Variants in RIMS2 observed in about 807,000 individuals in gnomAD.
RIMS2 encodes the protein regulating synaptic membrane exocytosis 2.
Under a neutral mutation model 174.4 loss-of-function variants are expected in RIMS2, and 59 were observed. The ratio of observed to expected loss-of-function variants is 0.34; its 90% confidence interval spans 0.27 to 0.42. The LOEUF (loss-of-function observed/expected upper bound fraction) is 0.42, where lower values mean the gene tolerates loss of function less well. Ranked by LOEUF, RIMS2 falls within the 10% of genes least tolerant of loss-of-function variation. The pLI, the probability that RIMS2 is intolerant of heterozygous loss-of-function variation, is 1.00. For synonymous variants in RIMS2, 606 were observed against 572.5 expected (o/e 1.06, Z -0.84); for missense variants, 1,620 against 1,666.3 (o/e 0.97, Z 0.48).
chr8:103,952,430 G>T (rs950843173), intron 14 of RIMS2, among the ~76,000 whole-genome samples: 1 of 152,134 alleles, frequency 6.6e-6, no homozygotes, highest in Admixed American at 6.5e-5. Flanking sequence ...ATCAATCTTC[G>T]CTGATCTGCA....
At chr8:103,905,351 C>A (rs553087016) in intron 4 of RIMS2, among the ~76,000 whole-genome samples, 2 of 152,046 alleles carry the variant, frequency 1.3e-5, no homozygotes, top group Non-Finnish European at 2.9e-5. Context: ...GAGATAATTT[C>A]ATCATATTTA....
At position 104,131,835 on chromosome 8, in the gene RIMS2, A is replaced by G. The variant is rs539790777; in HGVS notation, c.3335-113081A>G. On this transcript the variant is annotated intron_variant, in intron 19 of 23. Coordinates refer to ENST00000504942, the Ensembl canonical transcript of RIMS2. Reference sequence around the variant, plus strand: ...GGTTTATTGGGGAATATTTCTGGCAAATACCTTTATGTAAACTGGATTGAT... The same window carrying G: ...GGTTTATTGGGGAATATTTCTGGCAGATACCTTTATGTAAACTGGATTGAT... Among the ~76,000 whole-genome samples, 11 of 152,314 alleles carry G rather than the reference A, an allele frequency of 7.2e-5. No individual in the cohort carries two copies. The South Asian group carries it at 2.3e-3, about 32-fold the overall frequency.
chr8:104,013,445 T>C, exon 18 of RIMS2: 2 of 1,613,384 alleles, frequency 1.2e-6, no homozygotes, highest in Admixed American at 1.7e-5. Flanking sequence ...GTTTCAGGGA[T>C]TGTGAAGCAG....
At chr8:103,765,527 G>T (rs1241037804) in intron 2 of RIMS2, among the ~76,000 whole-genome samples, 1 of 151,964 alleles carries the variant, frequency 6.6e-6, no homozygotes, top group Non-Finnish European at 1.5e-5. Flanking sequence ...TGTGTCTTTT[G>T]CCACAGTAAA....
intron 1 of RIMS2, 29 bp downstream of exon 1, chr8:103,501,091 C>G: frequency 1.3e-6 from 2 of 1,532,214 alleles, no homozygotes; most frequent in South Asian, 1.2e-5. Flanking sequence ...ATTCCCGCCT[C>G]TCTCCCTGCC....
chr8:104,012,497 C>T (rs1487585844), intron 17 of RIMS2, among the ~76,000 whole-genome samples: 1 of 151,840 alleles, frequency 6.6e-6, no homozygotes, highest in Non-Finnish European at 1.5e-5. Context: ...TAAGCATTTC[C>T]ATTTTTGTGC....
intron 3 of RIMS2, among the ~76,000 whole-genome samples, chr8:103,814,459 T>A (rs1471864060): frequency 6.6e-6 from 1 of 152,048 alleles, no homozygotes; most frequent in Non-Finnish European, 1.5e-5. Context: ...AATTTACACT[T>A]CAAAAATTTT....
rs560980142 is a variant in RIMS2 at position 103,793,621 on chromosome 8, G to C, written c.698+27084G>C. On this transcript the variant is annotated intron_variant, in intron 3 of 23. Coordinates refer to ENST00000504942, the Ensembl canonical transcript of RIMS2. Reference sequence around the variant, plus strand: ...GAAAGAAATAAAGGGTATTCAATTAGGAAAATAGGAAGTCAAATTGTCCCT... The same window carrying C: ...GAAAGAAATAAAGGGTATTCAATTACGAAAATAGGAAGTCAAATTGTCCCT... 4.6e-5 allele frequency among the ~76,000 whole-genome samples: 7 copies of C among 152,252 alleles called. No homozygotes were observed. In the South Asian group the frequency reaches 8.3e-4, roughly 18 times the overall value.
At chr8:103,726,840 G>A (rs2097532784) in intron 2 of RIMS2, among the ~76,000 whole-genome samples, 1 of 150,592 alleles carries the variant, frequency 6.6e-6, no homozygotes, top group East Asian at 1.9e-4. Flanking sequence ...CCCAGTTCAA[G>A]CAATTCTCCT....
chr8:103,886,123 C>A, exon 4 of RIMS2: 1 of 1,612,932 alleles, frequency 6.2e-7, no homozygotes, highest in Non-Finnish European at 8.5e-7. Context: ...GTAAAATGCG[C>A]CAGATTTCGT....
At chr8:103,762,108 C>T (rs1192435481) in intron 2 of RIMS2, among the ~76,000 whole-genome samples, 3 of 149,964 alleles carry the variant, frequency 2.0e-5, no homozygotes, top group East Asian at 3.9e-4. Flanking sequence ...TTGTATTTTC[C>T]TTAGTTTTTT....
chr8:103,826,093 T>A (rs2098788918), intron 3 of RIMS2, among the ~76,000 whole-genome samples: 2 of 152,198 alleles, frequency 1.3e-5, no homozygotes, highest in South Asian at 4.1e-4. Flanking sequence ...CAATATTTTT[T>A]AAATTAGGTT....
intron 1 of RIMS2, among the ~76,000 whole-genome samples, chr8:103,675,708 AT>A (rs199946202): frequency 1.3e-5 from 2 of 151,822 alleles, no homozygotes; most frequent in African/African-American, 2.4e-5. Context: ...AGCCATTCTT[AT>A]TTTTTTTACC....
chr8:103,696,723 C>A (rs541149006), intron 1 of RIMS2, among the ~76,000 whole-genome samples: 1 of 151,510 alleles, frequency 6.6e-6, no homozygotes, highest in Non-Finnish European at 1.5e-5. Context: ...AATTAGCTGG[C>A]GTGGTGGTGT....
At chr8:103,653,379 A>G (rs1017346835) in intron 1 of RIMS2, among the ~76,000 whole-genome samples, 2 of 152,176 alleles carry the variant, frequency 1.3e-5, no homozygotes, top group African/African-American at 4.8e-5. Flanking sequence ...TGTGCAAGCA[A>G]TATTATTTAT....
intron 3 of RIMS2, among the ~76,000 whole-genome samples, chr8:103,813,389 C>CTTCTTTCTTTCTTTCTTTCTTTCTTTCT (rs201996486): frequency 0.029 from 4,225 of 147,258 alleles, 117 homozygotes; most frequent in African/African-American, 0.04. Flanking sequence ...AGAATTTACA[C>CTTCTTTCTTTCTTTCTTTCTTTCTTTCT]TTCTTTCTTT....
chr8:104,039,433 G>C (rs1460386757), intron 19 of RIMS2, among the ~76,000 whole-genome samples: 2 of 151,610 alleles, frequency 1.3e-5, no homozygotes, highest in African/African-American at 4.8e-5. Flanking sequence ...AATTTTTCAT[G>C]TTTGGATCCA....
At chr8:103,770,096 A>G (rs1046915829) in intron 3 of RIMS2, among the ~76,000 whole-genome samples, 1 of 152,242 alleles carries the variant, frequency 6.6e-6, no homozygotes, top group East Asian at 1.9e-4. Context: ...AGTCCTTTGA[A>G]TTTCTTCCCT....
At chr8:103,603,288 C>G (rs895918250) in intron 1 of RIMS2, among the ~76,000 whole-genome samples, 3 of 151,732 alleles carry the variant, frequency 2.0e-5, no homozygotes, top group African/African-American at 7.2e-5. Flanking sequence ...GAGAATGATG[C>G]TTTCCAATTT....
Sources: gnomAD v4.1 joint callset for allele counts (sites outside exome capture counted in the v4.1 genomes callset) on GRCh38, gnomAD v4.1.1 for gene constraint, MANE v1.5 for transcripts, NCBI Gene and HGNC (gene_info 2026-07-23, HGNC 2026-07-21) for gene names.